WDR45B: variants seen among roughly 807,000 people sequenced by gnomAD.
The protein encoded by WDR45B is WD repeat domain phosphoinositide-interacting protein 3.
Under a neutral mutation model 44.6 loss-of-function variants are expected in WDR45B, and 20 were observed. The ratio of observed to expected loss-of-function variants is 0.45; its 90% CI spans 0.32 to 0.65. The LOEUF (loss-of-function observed/expected upper bound fraction) is 0.65. WDR45B is among the 30% of genes least tolerant of loss of function. WDR45B has a pLI of 0.05. For synonymous variants in WDR45B, 169 were observed against 164.9 expected, an observed-to-expected ratio of 1.02 and a Z score of -0.19; for missense variants, 323 against 430.2, an observed-to-expected ratio of 0.75 and a Z score of 2.20.
intron 7 of WDR45B, among the ~76,000 whole-genome samples, chr17:82,618,767 C>A (rs2045573214): frequency 6.6e-6 from 1 of 152,000 alleles, no homozygotes; most frequent in African/African-American, 2.4e-5. Flanking sequence ...ACAAAAAAAA[C>A]CCACCAACAA....
chr17:82,625,857 A>G (rs1261715973), intron 4 of WDR45B: 1 of 300,354 alleles, frequency 3.3e-6, no homozygotes. Context: ...AATATCCTCG[A>G]TCTGGCTCAA....
intron 2 of WDR45B, among the ~76,000 whole-genome samples, chr17:82,631,904 G>A (rs2045773189): frequency 6.6e-6 from 1 of 151,814 alleles, no homozygotes; most frequent in South Asian, 2.1e-4. Context: ...CCAACATGGT[G>A]AAACGCTGTC....
intron 9 of WDR45B, among the ~76,000 whole-genome samples, chr17:82,616,233 G>A (rs561421462): frequency 9.1e-4 from 139 of 152,276 alleles, no homozygotes; most frequent in Middle Eastern, 3.4e-3. Flanking sequence ...CTAATCACCC[G>A]GTGTTGGCTA....
chr17:82,615,429 C>G lies in WDR45B; in HGVS notation c.*490G>C, dbSNP rs148851513. ...TCATGTTCGGGCGGGAAAAGGAATT[C>G]CTTTCTCCTTTTCTAAGGCAAGCTG... On this transcript the variant is annotated 3_prime_UTR_variant, in exon 10 of 10. Coordinates refer to ENST00000392325, the MANE Select transcript of WDR45B (RefSeq NM_019613.4). The G allele has an allele frequency of 0.017, 3,226 of 190,510 alleles. 116 individuals carry two copies. The highest frequency in any genetic ancestry group is 0.068 in the African/African-American group (2,915 of 42,634). The allele number at this position is 190,510 out of a possible 1,614,324, so 11.8% of individuals were successfully genotyped here.
chr17:82,642,390 C>T (rs539448366), intron 2 of WDR45B, among the ~76,000 whole-genome samples: 25 of 152,174 alleles, frequency 1.6e-4, no homozygotes, highest in Non-Finnish European at 2.9e-4. Context: ...AGTTTCATCC[C>T]GAAACCATCC....
Position 82,648,405 on chromosome 17 carries a change from G to C in WDR45B, c.-65C>G, listed in dbSNP as rs1598284994. 12 of 1,568,624 alleles carry C rather than the reference G, an allele frequency of 7.7e-6. No individual in the cohort carries two copies. In the East Asian group the frequency reaches 1.7e-4, roughly 22 times the overall value. The stretch of plus-strand genomic sequence containing the variant: ...GCCTCTCGCTGGGGACGGCGGCCTG[G>C]TCCCTTCGGGCCGGCGCTGAGGCCG... On this transcript the variant is annotated 5_prime_UTR_variant, in exon 1 of 10. Coordinates refer to ENST00000392325, the MANE Select transcript of WDR45B (RefSeq NM_019613.4).
At chr17:82,644,807 G>A (rs1171999396) in intron 1 of WDR45B, 1 of 152,682 alleles carries the variant, frequency 6.5e-6, no homozygotes, top group Non-Finnish European at 1.5e-5. Context: ...ATGTTGCAAA[G>A]TCTGGATCTT....
intron 6 of WDR45B, among the ~76,000 whole-genome samples, chr17:82,621,165 T>G (rs969265102): frequency 6.6e-6 from 1 of 151,956 alleles, no homozygotes; most frequent in African/African-American, 2.4e-5. Context: ...GTGATTCTCC[T>G]GCCTTAGCCT....
At chr17:82,616,942 C>T (rs939720217) in intron 8 of WDR45B, among the ~76,000 whole-genome samples, 6 of 152,144 alleles carry the variant, frequency 3.9e-5, no homozygotes, top group Non-Finnish European at 8.8e-5. Flanking sequence ...CTCAGCCTCC[C>T]GAGTAGCTGG....
At chr17:82,630,224 TC>T (rs2045749545) in intron 3 of WDR45B, among the ~76,000 whole-genome samples, 1 of 151,956 alleles carries the variant, frequency 6.6e-6, no homozygotes, top group African/African-American at 2.4e-5. Flanking sequence ...AAAACACAGA[TC>T]TGACGGCATC....
intron 1 of WDR45B, 60 bp from the exon 2 acceptor site, chr17:82,644,083 G>T: frequency 4.5e-6 from 7 of 1,547,408 alleles, no homozygotes; most frequent in Non-Finnish European, 6.2e-6. Context: ...AAAAGAAAGA[G>T]GTCTGGAGAA....
In WDR45B at chr17:82,618,032, G is replaced by A. The variant is rs567479352; in HGVS notation, c.705-635C>T. ...CAACCTCCACCTCCCAGGTTCAAGC[G>A]ATCCTCCTGCCTCAGCCCTGCCTAG... On this transcript the variant is annotated intron_variant, in intron 7 of 9. Transcript: ENST00000392325. 2.6e-5 allele frequency among the ~76,000 whole-genome samples: 4 copies of A among 151,752 alleles called. No homozygotes were observed. The South Asian group carries it at 6.3e-4, about 24-fold the overall frequency.
chr17:82,617,380 T>A lies in WDR45B; in HGVS notation c.722A>T (p.Asp241Val), dbSNP rs1269908514. Residue 241 changes from aspartate to valine, a missense_variant, in exon 8 of 10, where the codon GAT becomes GTT. Physicochemically the swap from Asp to Val is radical, Grantham distance 152. Transcript: ENST00000392325. ...ANIYCINFNQ[D>V]ASLICVSSDH... ...GCTGGATACGCAGATGAGGGACGCA[T>A]CCTGATTGAAGTTGATGCTGCAGAG... 1 of 1,614,148 alleles carries A rather than the reference T, an allele frequency of 6.2e-7. No homozygotes were observed. The highest frequency in any genetic ancestry group is 1.1e-5 in the South Asian group (1 of 91,080).
chr17:82,646,132 A>G (rs2045972067), intron 1 of WDR45B, among the ~76,000 whole-genome samples: 1 of 151,480 alleles, frequency 6.6e-6, no homozygotes, highest in East Asian at 1.9e-4. Flanking sequence ...AAAGAAAAAA[A>G]AAAAGATCTA....
At chr17:82,631,272 G>C (rs2045763139) in intron 2 of WDR45B, among the ~76,000 whole-genome samples, 1 of 142,896 alleles carries the variant, frequency 7.0e-6, no homozygotes, top group South Asian at 2.3e-4. Context: ...GGGAATACAG[G>C]ACTCATTTTT....
intron 8 of WDR45B, 76 bp from the exon 9 acceptor site, chr17:82,616,721 T>C (rs2045541453): frequency 1.3e-6 from 2 of 1,583,654 alleles, no homozygotes; most frequent in East Asian, 4.5e-5. Flanking sequence ...CAGAATACGC[T>C]GCTGAAAATA....
At chr17:82,647,418 C>A (rs2045992708) in intron 1 of WDR45B, among the ~76,000 whole-genome samples, 1 of 152,174 alleles carries the variant, frequency 6.6e-6, no homozygotes, top group Non-Finnish European at 1.5e-5. Context: ...GGTGAGGAGG[C>A]AACCATCCGA....
In WDR45B at chr17:82,644,134, C is replaced by A. The variant is rs900772634; in HGVS notation, c.68-111G>T. On this transcript the variant is annotated intron_variant, in intron 1 of 9. Coordinates refer to ENST00000392325, the MANE Select transcript of WDR45B (RefSeq NM_019613.4). Reference sequence around the variant, plus strand: ...AACTCTTGCAGATGCTCAAACCACACAGACACGATAGGTGCTAAGTCACAA... The same window carrying A: ...AACTCTTGCAGATGCTCAAACCACAAAGACACGATAGGTGCTAAGTCACAA... The A allele has an allele frequency of 6.2e-6, 6 of 967,044 alleles. No individual in the cohort carries two copies. In the Admixed American group the frequency reaches 7.9e-5, roughly 13 times the overall value. 59.9% of individuals were successfully genotyped at this position (967,044 alleles called of 1,614,324 possible).
chr17:82,627,346 G>A, intron 3 of WDR45B, 55 bp from the exon 4 acceptor site: 1 of 1,391,018 alleles, frequency 7.2e-7, no homozygotes, highest in Non-Finnish European at 1.0e-6. Flanking sequence ...ATGGCGCTGG[G>A]ATGCAGCGAT....
Sources: allele counts gnomAD v4.1 joint callset (sites outside exome capture counted in the v4.1 genomes callset), GRCh38; gene constraint gnomAD v4.1.1; transcripts MANE v1.5; gene names NCBI Gene and HGNC (gene_info 2026-07-23, HGNC 2026-07-21).